NAV2: variants seen among roughly 807,000 people sequenced by gnomAD.
NAV2 encodes the protein neuron navigator 2.
NAV2 carries 54 observed loss-of-function variants against 223.2 expected under a neutral mutation model. The ratio of observed to expected loss-of-function variants is 0.24; its 90% CI spans 0.19 to 0.30. NAV2 has a LOEUF of 0.30. Ranked by LOEUF, NAV2 falls within the 10% of genes least tolerant of loss-of-function variation. The pLI, the probability that NAV2 is intolerant of heterozygous loss-of-function variation, is 1.00. For missense variants in NAV2, 2,806 were observed against 3,147.5 expected, an observed-to-expected ratio of 0.89 and a Z score of 2.60; for synonymous variants, 1,279 against 1,239.3, an observed-to-expected ratio of 1.03 and a Z score of -0.67.
chr11:19,646,056 T>G (rs986900419), intron 1 of NAV2, among the ~76,000 whole-genome samples: 1 of 152,214 alleles, frequency 6.6e-6, no homozygotes, highest in Non-Finnish European at 1.5e-5. Context: ...CCTCATTGGC[T>G]TGATGAAAAT....
chr11:20,012,688 A>AAAG (rs2053660479), intron 11 of NAV2, among the ~76,000 whole-genome samples: 1 of 2,972 alleles, frequency 3.4e-4, no homozygotes, highest in Non-Finnish European at 2.0e-3. Flanking sequence ...AAAAAAAAAA[A>AAAG]AAAGAAGGGG....
chr11:19,623,165 C>A (rs969556986), intron 1 of NAV2, among the ~76,000 whole-genome samples: 2 of 152,136 alleles, frequency 1.3e-5, no homozygotes, highest in African/African-American at 4.8e-5. Flanking sequence ...CCTTTGTGGG[C>A]AATCTGACCT....
At chr11:19,564,459 C>T (rs1454081068) in intron 1 of NAV2, among the ~76,000 whole-genome samples, 2 of 152,212 alleles carry the variant, frequency 1.3e-5, no homozygotes, top group Non-Finnish European at 2.9e-5. Context: ...TTTATTTTCA[C>T]CACCCAGTCG....
chr11:20,083,225 C>T (rs2060201669), intron 26 of NAV2, 46 bp downstream of exon 26: 1 of 1,526,370 alleles, frequency 6.6e-7, no homozygotes, highest in Non-Finnish European at 9.0e-7. Flanking sequence ...CCCCTGAGAA[C>T]CTTCTCCAGT....
At chr11:19,376,708 A>T (rs1456920167) in intron 1 of NAV2, among the ~76,000 whole-genome samples, 8 of 152,202 alleles carry the variant, frequency 5.3e-5, no homozygotes, top group African/African-American at 1.9e-4. Flanking sequence ...AAGTGAAGGG[A>T]TGATAATAGT....
chr11:19,977,861 A>G (rs1008898996), intron 10 of NAV2, among the ~76,000 whole-genome samples: 2 of 146,162 alleles, frequency 1.4e-5, no homozygotes, highest in Non-Finnish European at 3.0e-5. Flanking sequence ...CTGGAGTGCA[A>G]TGGCACAGTC....
intron 11 of NAV2, among the ~76,000 whole-genome samples, chr11:20,006,239 A>T (rs1388703463): frequency 6.6e-6 from 1 of 152,178 alleles, no homozygotes; most frequent in Non-Finnish European, 1.5e-5. Flanking sequence ...ATTATAGACA[A>T]AGCAGACTGG....
Position 19,487,793 on chromosome 11 carries a change from C to T in NAV2, c.75+136766C>T, listed in dbSNP as rs1330840576. Among the ~76,000 whole-genome samples, 4 of 152,122 alleles carry T rather than the reference C, an allele frequency of 2.6e-5. No individual in the cohort carries two copies. In the East Asian group the frequency reaches 5.8e-4, roughly 22 times the overall value. On this transcript the variant is annotated intron_variant, in intron 1 of 37. Transcript: ENST00000360655. ...TCCACTTATAATCTCCCTCTGGGAC[C>T]CTGTACCTCAGAAGCCATGACTGTA...
At chr11:19,860,451 C>A (rs1241039909) in intron 3 of NAV2, among the ~76,000 whole-genome samples, 1 of 151,580 alleles carries the variant, frequency 6.6e-6, no homozygotes, top group Non-Finnish European at 1.5e-5. Flanking sequence ...GGCAGAGACG[C>A]TCCTCACTTC....
rs1466278044 is a variant in NAV2, at chr11:19,946,399, AGG to A, written c.2148_2149del (p.Glu717ArgfsTer3). Reference sequence around the variant, plus strand: ...AACTAGTCTTAACCCTCATCTTTCTAGGGGAAGATCCTGAGGCTCGGCGGCTG... The same window carrying A: ...AACTAGTCTTAACCCTCATCTTTCTAGGAAGATCCTGAGGCTCGGCGGCTG... On this transcript the variant is annotated splice_acceptor_variant and coding_sequence_variant, in exon 9 of 38. Transcript: ENST00000349880. LOFTEE classifies it high-confidence loss of function. 6.2e-7 allele frequency: 1 copy of A among 1,611,250 alleles called. No homozygotes were observed.
intron 1 of NAV2, among the ~76,000 whole-genome samples, chr11:19,474,018 A>G (rs2042043819): frequency 6.6e-6 from 1 of 152,106 alleles, no homozygotes; most frequent in Non-Finnish European, 1.5e-5. Context: ...CCTTCTTTTT[A>G]GTCCTGGACA....
At position 19,934,284 on chromosome 11, in the gene NAV2, G is replaced by A. The variant is rs753397757; in HGVS notation, c.2033+7G>A. Reference sequence around the variant, plus strand: ...TTGCACCTTTCCTGTACAGGTAGGAGCTGCCACCCACCTGTGCTGCCTGGG... The same window carrying A: ...TTGCACCTTTCCTGTACAGGTAGGAACTGCCACCCACCTGTGCTGCCTGGG... On this transcript the variant is annotated splice_region_variant and intron_variant, in intron 7 of 37. Transcript: ENST00000349880. 1.3e-6 allele frequency: 2 copies of A among 1,565,088 alleles called. No individual in the cohort carries two copies. The highest frequency in any genetic ancestry group is 2.3e-5 in the East Asian group (1 of 44,374).
intron 3 of NAV2, among the ~76,000 whole-genome samples, chr11:19,852,863 T>C (rs1028640255): frequency 3.3e-5 from 5 of 152,224 alleles, no homozygotes; most frequent in Admixed American, 6.5e-5. Flanking sequence ...TCACAGAGAA[T>C]GGAGTGATGT....
rs529436453 is a variant in NAV2, at chr11:20,001,711, G to C, written c.2768+17464G>C. Among the ~76,000 whole-genome samples, 35 of 130,100 alleles carry C rather than the reference G, an allele frequency of 2.7e-4. 2 individuals carry two copies. The highest frequency in any genetic ancestry group is 8.1e-5 in the Non-Finnish European group (5 of 61,874). The allele number at this position is 130,100 out of a possible 152,430, so 85.4% of individuals were successfully genotyped here. On this transcript the variant is annotated intron_variant, in intron 11 of 37. Transcript: ENST00000349880. ...CACATACTGGGGCCTGTTGTGGGGT[G>C]GGGGGAGGGGGGACGGAAAGCATTA...
At chr11:19,701,382 A>G (rs902505303) in intron 1 of NAV2, among the ~76,000 whole-genome samples, 1 of 152,174 alleles carries the variant, frequency 6.6e-6, no homozygotes, top group African/African-American at 2.4e-5. Context: ...GCCTTTGAAA[A>G]CTGGATTCTG....
chr11:19,747,323 T>C (rs2053455850), intron 1 of NAV2, among the ~76,000 whole-genome samples: 2 of 152,120 alleles, frequency 1.3e-5, no homozygotes, highest in Non-Finnish European at 2.9e-5. Flanking sequence ...GAACACTCAT[T>C]ATGTCTCAAG....
intron 6 of NAV2, among the ~76,000 whole-genome samples, chr11:19,901,879 A>G (rs1003381229): frequency 3.3e-5 from 5 of 152,152 alleles, no homozygotes; most frequent in African/African-American, 1.2e-4. Context: ...TGCTAAGCTA[A>G]CAGATTCTTC....
intron 1 of NAV2, among the ~76,000 whole-genome samples, chr11:19,660,691 G>A (rs2048253096): frequency 6.6e-6 from 1 of 152,212 alleles, no homozygotes; most frequent in African/African-American, 2.4e-5. Flanking sequence ...AAAGTAACAG[G>A]TAGATCTGTT....
chr11:19,779,316 G>T lies in NAV2; in HGVS notation c.268-53168G>T, dbSNP rs185982362. Among the ~76,000 whole-genome samples the T allele has an allele frequency of 1.1e-3, 164 of 152,326 alleles. 1 individual carries two copies. Among genetic ancestry groups the T allele is most frequent in the Non-Finnish European group, 1.5e-3 (105 of 68,032 alleles). The stretch of plus-strand genomic sequence containing the variant: ...GTCCCGTGTATCCCACTGCCCCAGA[G>T]CCCAGGCAGGAAGAGGCATGACTGG... On this transcript the variant is annotated intron_variant, in intron 1 of 37. Coordinates refer to ENST00000349880, the MANE Select transcript of NAV2 (RefSeq NM_145117.5).
Sources: allele counts gnomAD v4.1 joint callset (sites outside exome capture counted in the v4.1 genomes callset), GRCh38; gene constraint gnomAD v4.1.1; transcripts MANE v1.5; gene names NCBI Gene and HGNC (gene_info 2026-07-23, HGNC 2026-07-21).